Variants in C2orf15 observed in about 807,000 individuals in gnomAD.
C2orf15 encodes uncharacterized protein C2orf15.
Under a neutral mutation model 4.4 loss-of-function variants are expected in C2orf15, and 3 were observed. The ratio of observed to expected loss-of-function variants is 0.67; its 90% CI spans 0.31 to 1.74. C2orf15 has a LOEUF of 1.74. Among genes scored for constraint, C2orf15 ranks in the 40% most tolerant of loss-of-function variants. The probability of loss-of-function intolerance (pLI) is 0.09; values close to 1 mark genes in which losing one functional copy is unlikely to be tolerated. For synonymous variants in C2orf15, 37 were observed against 36.8 expected (o/e 1.00, Z -0.02); for missense variants, 90 against 103.3 (o/e 0.87, Z 0.56).
At chr2:99,147,365 C>A in intron 2 of C2orf15, 37 bp from the exon 3 acceptor site, 1 of 1,100,472 alleles carries the variant, frequency 9.1e-7, no homozygotes, top group Non-Finnish European at 1.4e-6. Flanking sequence ...ATTGATTTAT[C>A]TCTTTATGTA....
At chr2:99,144,649 C>CAAA (rs70940140) in intron 2 of C2orf15, among the ~76,000 whole-genome samples, 10 of 52,248 alleles carry the variant, frequency 1.9e-4, no homozygotes, top group Non-Finnish European at 2.4e-4. Context: ...AACTCTGTCT[C>CAAA]AAAAAAAAAA....
intron 2 of C2orf15, among the ~76,000 whole-genome samples, chr2:99,143,789 G>C (rs1460732746): frequency 6.6e-6 from 1 of 152,010 alleles, no homozygotes; most frequent in African/African-American, 2.4e-5. Flanking sequence ...GCCTTATATA[G>C]TACCCTGTGC....
chr2:99,148,089 C>T (rs2093650424), intron 3 of C2orf15, among the ~76,000 whole-genome samples: 1 of 152,116 alleles, frequency 6.6e-6, no homozygotes, highest in Non-Finnish European at 1.5e-5. Context: ...CTCCTTTAAT[C>T]TGAAACAGTT....
chr2:99,145,308 A>G (rs1277520118), intron 2 of C2orf15, among the ~76,000 whole-genome samples: 1 of 152,160 alleles, frequency 6.6e-6, no homozygotes, highest in African/African-American at 2.4e-5. Flanking sequence ...CTATAATCCC[A>G]GCATTTTGGG....
intron 2 of C2orf15, among the ~76,000 whole-genome samples, chr2:99,145,071 A>G (rs2093618636): frequency 6.6e-6 from 1 of 152,202 alleles, no homozygotes; most frequent in Non-Finnish European, 1.5e-5. Flanking sequence ...GCTAAAATCA[A>G]GATGTCAGGC....
chr2:99,151,573 A>C lies in C2orf15; in HGVS notation c.*739A>C, dbSNP rs1439757843. 3 of 149,260 alleles carry C rather than the reference A, an allele frequency of 2.0e-5. No individual in the cohort carries two copies. The highest frequency in any genetic ancestry group is 7.4e-5 in the African/African-American group (3 of 40,328). The allele number at this position is 149,260 out of a possible 1,614,324, so 9.2% of individuals were successfully genotyped here. On this transcript the variant is annotated 3_prime_UTR_variant, in exon 4 of 4. Transcript: ENST00000650052. ...CATTTCCATTTTGGGATTCTGCTTT[A>C]TGATACTTTACTTTCTTACATTTTG... is the stretch of plus-strand genomic sequence containing the variant.
intron 2 of C2orf15, chr2:99,147,000 G>C (rs1050158039): frequency 6.5e-6 from 1 of 153,850 alleles, no homozygotes; most frequent in African/African-American, 2.4e-5. Context: ...ACTAAACTTA[G>C]TCTGTTCTAT....
Position 99,150,962 on chromosome 2 carries a change from T to C in C2orf15, c.*128T>C, listed in dbSNP as rs528283161. ...AAGACTATTGCCTTATTTTGCACTA[T>C]TTGTGAATCATCTTACACTGCATTT... On this transcript the variant is annotated 3_prime_UTR_variant, in exon 4 of 4. Transcript: ENST00000650052. The C allele has an allele frequency of 5.1e-4, 323 of 627,624 alleles. No individual in the cohort carries two copies. The highest frequency in any genetic ancestry group is 7.7e-4 in the Non-Finnish European group (276 of 357,220). 38.9% of individuals were successfully genotyped at this position (627,624 alleles called of 1,614,324 possible). A position where few individuals can be genotyped will look rare whatever the true frequency, so the allele number is the denominator to read the frequency against.
At chr2:99,145,191 C>G (rs1324789033) in intron 2 of C2orf15, among the ~76,000 whole-genome samples, 1 of 152,104 alleles carries the variant, frequency 6.6e-6, no homozygotes, top group Non-Finnish European at 1.5e-5. Flanking sequence ...ATATTCAACG[C>G]CAAAAATGGC....
intron 3 of C2orf15, chr2:99,148,172 C>G (rs2093651481): frequency 1.3e-5 from 2 of 152,156 alleles, no homozygotes; most frequent in Admixed American, 6.6e-5. Flanking sequence ...GAAGATACTT[C>G]TGTTTGGGTT....
intron 2 of C2orf15, among the ~76,000 whole-genome samples, chr2:99,143,895 T>C (rs1169894074): frequency 6.6e-6 from 1 of 152,206 alleles, no homozygotes; most frequent in Non-Finnish European, 1.5e-5. Context: ...ACCTCTGTTA[T>C]TACTATTTTT....
At chr2:99,143,616 A>G (rs978160870) in intron 2 of C2orf15, among the ~76,000 whole-genome samples, 1 of 151,826 alleles carries the variant, frequency 6.6e-6, no homozygotes, top group African/African-American at 2.4e-5. Flanking sequence ...GACCACAGGT[A>G]TGTGCCACCA....
At position 99,150,729 on chromosome 2, in the gene C2orf15, T is replaced by C. The variant is rs368624669; in HGVS notation, c.171T>C (p.Phe57=). 7 of 1,614,062 alleles carry C rather than the reference T, an allele frequency of 4.3e-6. No homozygotes were observed. Among genetic ancestry groups the C allele is most frequent in the Non-Finnish European group, 5.9e-6 (7 of 1,179,972 alleles). The change falls in exon 4 of 4, where the codon TTT becomes TTC. Residue 57 remains phenylalanine, a synonymous_variant. Transcript: ENST00000650052. ...IRLEDTNQEN[F]TRIEGTGTGS... ...TAGAAGACACAAATCAAGAAAACTT[T>C]ACAAGGATTGAAGGGACTGGCACAG...
rs1284134557 is a variant in C2orf15 at position 99,141,818 on chromosome 2, C to T, written c.-405C>T. The T allele has an allele frequency of 2.0e-5, 3 of 152,474 alleles. No homozygotes were observed. Among genetic ancestry groups the T allele is most frequent in the African/African-American group, 7.2e-5 (3 of 41,450 alleles). The allele number at this position is 152,474 out of a possible 1,614,324, so 9.4% of individuals were successfully genotyped here. Reference sequence around the variant, plus strand: ...CATTCTGGACCCATGTTCGGTGAACCGGTTACTCTCAGAGCTGCTTTCGGG... The same window carrying T: ...CATTCTGGACCCATGTTCGGTGAACTGGTTACTCTCAGAGCTGCTTTCGGG... On this transcript the variant is annotated 5_prime_UTR_variant, in exon 1 of 4. Coordinates refer to ENST00000650052, the MANE Select transcript of C2orf15 (RefSeq NM_144706.4).
At chr2:99,146,649 G>A (rs559758624) in intron 2 of C2orf15, among the ~76,000 whole-genome samples, 1 of 151,990 alleles carries the variant, frequency 6.6e-6, no homozygotes, top group Admixed American at 6.5e-5. Flanking sequence ...TTCTTTTTGA[G>A]ACGGAGTCTT....
At chr2:99,148,190 T>C (rs1433645495) in intron 3 of C2orf15, 1 of 152,236 alleles carries the variant, frequency 6.6e-6, no homozygotes, top group African/African-American at 2.4e-5. Context: ...GTTTATCTGA[T>C]TGTTTCCTCA....
At position 99,151,600 on chromosome 2, in the gene C2orf15, AT is replaced by A; in HGVS notation, c.*771del. ...GATACTTTACTTTCTTACATTTTGC[AT>A]TTTTGTTCTGTAAAAGATCACTGCC... is the stretch of plus-strand genomic sequence containing the variant. On this transcript the variant is annotated 3_prime_UTR_variant, in exon 4 of 4. Transcript: ENST00000650052. The A allele has an allele frequency of 6.6e-6, 1 of 151,376 alleles. No individual in the cohort carries two copies. The highest frequency in any genetic ancestry group is 2.1e-4 in the South Asian group (1 of 4,812). 9.4% of individuals were successfully genotyped at this position (151,376 alleles called of 1,614,324 possible).
intron 2 of C2orf15, among the ~76,000 whole-genome samples, chr2:99,146,461 A>C (rs2093633137): frequency 6.7e-6 from 1 of 148,682 alleles, no homozygotes; most frequent in African/African-American, 2.5e-5. Context: ...TTTTCATTGA[A>C]TAGAAATTCT....
Position 99,150,825 on chromosome 2 carries a change from T to C in C2orf15, c.267T>C (p.Asp89=), listed in dbSNP as rs1362112000. 1 of 1,583,392 alleles carries C rather than the reference T, an allele frequency of 6.3e-7. No individual in the cohort carries two copies. Among genetic ancestry groups the C allele is most frequent in the East Asian group, 2.2e-5 (1 of 44,642 alleles). The change falls in exon 4 of 4, where the codon GAT becomes GAC. Residue 89 remains aspartate (D), a synonymous_variant. Coordinates refer to ENST00000650052, the MANE Select transcript of C2orf15 (RefSeq NM_144706.4). ...VKESDGLEMT[D]VE Reference sequence around the variant, plus strand: ...AAAGTGATGGACTAGAAATGACAGATGTGGAATGAAGCAATTTGTACGTAT... The same window carrying C: ...AAAGTGATGGACTAGAAATGACAGACGTGGAATGAAGCAATTTGTACGTAT...
Sources: allele counts gnomAD v4.1 joint callset (sites outside exome capture counted in the v4.1 genomes callset), GRCh38; gene constraint gnomAD v4.1.1; transcripts MANE v1.5; gene names NCBI Gene and HGNC (gene_info 2026-07-23, HGNC 2026-07-21).